The following DLGAP4 variants were observed in gnomAD, a reference collection of about 807,000 sequenced individuals.
The protein encoded by DLGAP4 is disks large-associated protein 4.
A neutral mutation model predicts 86.9 loss-of-function variants in DLGAP4; 18 were observed. That is an observed-to-expected ratio of 0.21 (90% CI 0.14 to 0.31). DLGAP4 has a LOEUF of 0.31. DLGAP4 is among the 10% of genes least tolerant of loss of function. The pLI, the probability that DLGAP4 is intolerant of heterozygous loss-of-function variation, is 1.00. For missense variants in DLGAP4, 1,085 were observed against 1,362.6 expected, an observed-to-expected ratio of 0.80 and a Z score of 3.21; for synonymous variants, 548 against 574.3, an observed-to-expected ratio of 0.95 and a Z score of 0.65.
intron 7 of DLGAP4, among the ~76,000 whole-genome samples, chr20:36,485,436 C>T (rs549797195): frequency 9.6e-4 from 146 of 151,872 alleles, no homozygotes; most frequent in Admixed American, 3.9e-3. Flanking sequence ...GCTCTGACAA[C>T]GCTGGGCCCA....
At chr20:36,406,965 G>T (rs560250489) in intron 2 of DLGAP4, among the ~76,000 whole-genome samples, 1 of 152,284 alleles carries the variant, frequency 6.6e-6, no homozygotes, top group South Asian at 2.1e-4. Context: ...GTTTTCTAAA[G>T]TAGGGGTGTA....
chr20:36,496,916 C>T lies in DLGAP4; in HGVS notation c.1860C>T (p.Ser620=), dbSNP rs201523791. ...TGGACAGCAGTACCCGACCGCCCAG[C>T]GTGACACGGGGTGGAGTCGCCCCAG... The part of the protein sequence containing the change: ...DSLDSSTRPP[S]VTRGGVAPAP... The change falls in exon 8 of 13, where the codon AGC becomes AGT. Residue 620 remains serine, a synonymous_variant. Transcript: ENST00000339266. The T allele has an allele frequency of 4.9e-5, 79 of 1,614,178 alleles. No individual in the cohort carries two copies. Among genetic ancestry groups the T allele is most frequent in the African/African-American group, 4.5e-4 (34 of 75,034 alleles).
At chr20:36,429,809 C>T (rs2033080859) in intron 2 of DLGAP4, among the ~76,000 whole-genome samples, 1 of 152,218 alleles carries the variant, frequency 6.6e-6, no homozygotes, top group South Asian at 2.1e-4. Context: ...TGCAAAATAA[C>T]CACACCTGCC....
At chr20:36,329,056 G>A (rs2065243209) in intron 1 of DLGAP4, among the ~76,000 whole-genome samples, 1 of 152,178 alleles carries the variant, frequency 6.6e-6, no homozygotes, top group Non-Finnish European at 1.5e-5. Flanking sequence ...TTACAGGTGT[G>A]AGCCATCGCG....
At position 36,493,461 on chromosome 20, in the gene DLGAP4, C is replaced by T. The variant is rs143792105; in HGVS notation, c.1649-3244C>T. Among the ~76,000 whole-genome samples the T allele has an allele frequency of 2.8e-4, 42 of 152,330 alleles. 1 individual carries two copies. In the East Asian group the frequency reaches 6.6e-3, roughly 24 times the overall value. Reference sequence around the variant, plus strand: ...GCTGTGACCCAGTGAGAATCCCTCCCGCCCTTCCGGAACAGAGGAGAGTTC... The same window carrying T: ...GCTGTGACCCAGTGAGAATCCCTCCTGCCCTTCCGGAACAGAGGAGAGTTC... On this transcript the variant is annotated intron_variant, in intron 7 of 12. Transcript: ENST00000339266.
At chr20:36,379,663 A>G (rs1053515336) in intron 2 of DLGAP4, among the ~76,000 whole-genome samples, 18 of 152,188 alleles carry the variant, frequency 1.2e-4, no homozygotes, top group Non-Finnish European at 2.2e-4. Context: ...CCTGGGCTGC[A>G]GGTGGGAATG....
chr20:36,423,443 A>G, intron 2 of DLGAP4, among the ~76,000 whole-genome samples: 1 of 137,258 alleles, frequency 7.3e-6, no homozygotes, highest in African/African-American at 2.7e-5. Flanking sequence ...GTGACAGAGC[A>G]AGACTCCGTC....
intron 1 of DLGAP4, among the ~76,000 whole-genome samples, chr20:36,320,495 G>C (rs1555890433): frequency 3.9e-5 from 6 of 152,150 alleles, no homozygotes; most frequent in Non-Finnish European, 8.8e-5. Context: ...GGGGCTGTGA[G>C]TGGGGGCTCT....
At chr20:36,316,707 C>T (rs911973649) in intron 1 of DLGAP4, among the ~76,000 whole-genome samples, 8 of 152,276 alleles carry the variant, frequency 5.3e-5, no homozygotes, top group Non-Finnish European at 1.0e-4. Context: ...CTCACCAGCC[C>T]GTCCCCTTCA....
intron 1 of DLGAP4, among the ~76,000 whole-genome samples, chr20:36,320,455 C>G (rs1555890420): frequency 6.6e-6 from 1 of 152,110 alleles, no homozygotes; most frequent in African/African-American, 2.4e-5. Flanking sequence ...GGTGGACTCC[C>G]TCTGCCAGGG....
intron 2 of DLGAP4, among the ~76,000 whole-genome samples, chr20:36,398,923 T>G (rs1282039979): frequency 6.6e-6 from 1 of 152,186 alleles, no homozygotes; most frequent in Non-Finnish European, 1.5e-5. Context: ...CCAGGCGCGG[T>G]GGCTCACACC....
intron 10 of DLGAP4, among the ~76,000 whole-genome samples, chr20:36,518,078 G>A (rs1033650904): frequency 6.6e-6 from 1 of 151,974 alleles, no homozygotes; most frequent in Non-Finnish European, 1.5e-5. Flanking sequence ...AAATTAGCTG[G>A]GCATGATGGC....
intron 10 of DLGAP4, among the ~76,000 whole-genome samples, chr20:36,511,875 A>AAC (rs1491460571): frequency 8.8e-6 from 1 of 113,492 alleles, no homozygotes; most frequent in East Asian, 2.4e-4. Context: ...ACCCTGTCTC[A>AAC]AAAAAAAAAA....
chr20:36,493,294 AT>A (rs1449791109), intron 7 of DLGAP4: 1 of 152,208 alleles, frequency 6.6e-6, no homozygotes, highest in African/African-American at 2.4e-5. Flanking sequence ...GAATTTCAGG[AT>A]TTCAGACATC....
Position 36,525,907 on chromosome 20 carries a change from GCTA to G in DLGAP4, c.2663_2665del (p.Leu888del). ...AGGACCTGGCAGGGTTCTGGGACCT[GCTA>G]CAGCTGTCCATCGAGGATATCAGCA... On this transcript the variant is annotated inframe_deletion, in exon 12 of 13. Transcript: ENST00000339266. 6.2e-7 allele frequency: 1 copy of G among 1,613,900 alleles called. No homozygotes were observed. Among genetic ancestry groups the G allele is most frequent in the Non-Finnish European group, 8.5e-7 (1 of 1,180,014 alleles).
rs2031027732 is a variant in DLGAP4 at position 36,373,626 on chromosome 20, G to T, written c.-73+6351G>T. ...TTCCCCAGAAGTAGATGTAGGCTAT[G>T]ACCTAAAGTAGACCAAATGGTAGCC... is the stretch of plus-strand genomic sequence containing the variant. On this transcript the variant is annotated intron_variant, in intron 2 of 12. Transcript: ENST00000339266. Among the ~76,000 whole-genome samples the T allele has an allele frequency of 1.3e-5, 2 of 152,138 alleles. 1 individual carries two copies. Among genetic ancestry groups the T allele is most frequent in the South Asian group, 4.1e-4 (2 of 4,826 alleles).
chr20:36,425,043 G>C (rs568765016), intron 2 of DLGAP4, among the ~76,000 whole-genome samples: 4 of 152,286 alleles, frequency 2.6e-5, no homozygotes, highest in African/African-American at 7.2e-5. Flanking sequence ...GCCAGGGGAT[G>C]CTGGGGGGAA....
chr20:36,360,929 G>A (rs2030498248), intron 1 of DLGAP4, among the ~76,000 whole-genome samples: 1 of 152,056 alleles, frequency 6.6e-6, no homozygotes, highest in Non-Finnish European at 1.5e-5. Context: ...AGGCCGCTGG[G>A]GAGATGAGCC....
chr20:36,350,045 C>T lies in DLGAP4; in HGVS notation c.-303-17000C>T, dbSNP rs893672113. Among the ~76,000 whole-genome samples, 13 of 152,134 alleles carry T rather than the reference C, an allele frequency of 8.5e-5. No individual in the cohort carries two copies. The highest frequency in any genetic ancestry group is 3.1e-4 in the African/African-American group (13 of 41,418). Reference sequence around the variant, plus strand: ...CAGGCTCCCAAGCAGGTGAGTGCACCAGCATCTCACAGTTCCCACATTTTT... The same window carrying T: ...CAGGCTCCCAAGCAGGTGAGTGCACTAGCATCTCACAGTTCCCACATTTTT... On this transcript the variant is annotated intron_variant, in intron 1 of 12. Transcript: ENST00000339266. This position sits in a 1 kb window ranked among gnomAD's most constrained non-coding sequence, Gnocchi z 4.4.
Sources: allele counts gnomAD v4.1 joint callset (sites outside exome capture counted in the v4.1 genomes callset), GRCh38; gene constraint gnomAD v4.1.1; non-coding constraint Gnocchi (gnomAD v3.1); transcripts MANE v1.5; gene names NCBI Gene and HGNC (gene_info 2026-07-23, HGNC 2026-07-21).